Variants in MAF observed in about 807,000 individuals in gnomAD.
MAF encodes MAF bZIP transcription factor, also known as transcription factor Maf.
A neutral mutation model predicts 22.0 loss-of-function variants in MAF; 10 were observed. The ratio of observed to expected loss-of-function variants is 0.45; its 90% confidence interval spans 0.28 to 0.77. The LOEUF (loss-of-function observed/expected upper bound fraction) is 0.77, where lower values mean the gene tolerates loss of function less well. Among genes scored for constraint, MAF ranks in the 30% least tolerant of loss-of-function variants. The probability of loss-of-function intolerance (pLI) is 0.12; values close to 1 mark genes in which losing one functional copy is unlikely to be tolerated. For missense variants in MAF, 544 were observed against 548.4 expected, an observed-to-expected ratio of 0.99 and a Z score of 0.08; for synonymous variants, 337 against 255.8, an observed-to-expected ratio of 1.32 and a Z score of -3.03.
downstream of MAF, among the ~76,000 whole-genome samples, chr16:79,589,267 T>C (rs1020863261): frequency 3.9e-5 from 6 of 152,212 alleles, no homozygotes; most frequent in South Asian, 4.1e-4. Flanking sequence ...TCTAGAACTG[T>C]ATGAAATCCA....
chr16:79,227,608 G>C, the MAF span, among the ~76,000 whole-genome samples: 2 of 151,772 alleles, frequency 1.3e-5, no homozygotes, highest in Non-Finnish European at 2.9e-5. Context: ...CCAGAGTATG[G>C]ATATATGACA....
chr16:79,301,625 TTA>T, the MAF span, among the ~76,000 whole-genome samples: 14 of 22,136 alleles, frequency 6.3e-4, no homozygotes, highest in East Asian at 0.025. Context: ...ATGCATTTTA[TTA>T]TATCTATGTG....
the MAF span, among the ~76,000 whole-genome samples, chr16:79,376,249 A>T: frequency 0.033 from 5,024 of 152,010 alleles, 184 homozygotes; most frequent in African/African-American, 0.085. Context: ...TTTTATTCTA[A>T]GTTTTCTTAA....
chr16:79,420,004 GTT>G, the MAF span, among the ~76,000 whole-genome samples: 1 of 148,736 alleles, frequency 6.7e-6, no homozygotes, highest in East Asian at 2.0e-4. Context: ...GTAACACACG[GTT>G]TTTTTTTTTC....
chr16:79,209,032 C>A, the MAF span, among the ~76,000 whole-genome samples: 3 of 152,222 alleles, frequency 2.0e-5, no homozygotes, highest in African/African-American at 7.2e-5. Flanking sequence ...TTCGGGTGCC[C>A]CTCCTGTGTA....
the MAF span, among the ~76,000 whole-genome samples, chr16:79,499,846 C>G: frequency 1.8e-4 from 28 of 152,322 alleles, no homozygotes; most frequent in East Asian, 5.4e-3. Context: ...GTCCTAATCC[C>G]TACAATCTGT....
At chr16:79,211,898 C>T in the MAF span, 66 of 1,561,616 alleles carry the variant, frequency 4.2e-5, no homozygotes, top group Admixed American at 1.3e-4. Flanking sequence ...AACACAGATC[C>T]GCAAGAGTAA....
At chr16:79,348,706 C>A in the MAF span, among the ~76,000 whole-genome samples, 3 of 152,122 alleles carry the variant, frequency 2.0e-5, no homozygotes, top group Admixed American at 2.0e-4. Flanking sequence ...ATGGTCAGGG[C>A]GGGTTTCAGG....
chr16:79,332,856 T>C, the MAF span, among the ~76,000 whole-genome samples: 1 of 152,224 alleles, frequency 6.6e-6, no homozygotes, highest in South Asian at 2.1e-4. Flanking sequence ...CTTTACTACC[T>C]GGAAGGGAAG....
At chr16:79,392,148 G>C in the MAF span, among the ~76,000 whole-genome samples, 2 of 149,840 alleles carry the variant, frequency 1.3e-5, no homozygotes, top group Admixed American at 6.7e-5. Flanking sequence ...GGGAGGGGGA[G>C]AGAGAGTGAA....
chr16:79,475,063 G>C, the MAF span, among the ~76,000 whole-genome samples: 9 of 152,190 alleles, frequency 5.9e-5, no homozygotes, highest in Non-Finnish European at 1.2e-4. Flanking sequence ...GGCCTCACCA[G>C]GCATCCCGAC....
At chr16:79,287,264 A>T in the MAF span, among the ~76,000 whole-genome samples, 1 of 152,196 alleles carries the variant, frequency 6.6e-6, no homozygotes, top group African/African-American at 2.4e-5. Context: ...GGATTGCGGC[A>T]GGCTGTTAGA....
chr16:79,502,708 A>AATATATATATATATATATATAT, the MAF span, among the ~76,000 whole-genome samples: 2 of 34,000 alleles, frequency 5.9e-5, no homozygotes, highest in Non-Finnish European at 1.1e-4. Context: ...TATAAATATA[A>AATATATATATATATATATATAT]ATATATATAT....
chr16:79,510,627 C>G, the MAF span, among the ~76,000 whole-genome samples: 5 of 152,158 alleles, frequency 3.3e-5, no homozygotes, highest in Non-Finnish European at 5.9e-5. Flanking sequence ...CTGTCATACC[C>G]AGAAGACTTG....
At chr16:79,593,795 A>G (rs30410), downstream of MAF, 163,449 of 176,364 alleles carry the variant, frequency 0.93, 75,820 homozygotes, top group East Asian at 1. Flanking sequence ...TTTTTTGAGT[A>G]GGAGCAAAAA....
chr16:79,531,705 A>T, the MAF span, among the ~76,000 whole-genome samples: 1 of 152,172 alleles, frequency 6.6e-6, no homozygotes, highest in East Asian at 1.9e-4. Context: ...GGCAGCACTC[A>T]GGCAGTCATG....
At chr16:79,552,698 G>C in the MAF span, among the ~76,000 whole-genome samples, 1 of 152,152 alleles carries the variant, frequency 6.6e-6, no homozygotes, top group Non-Finnish European at 1.5e-5. Context: ...ACCATAGCCG[G>C]CCTTGCTGGG....
the MAF span, among the ~76,000 whole-genome samples, chr16:79,305,665 C>T: frequency 6.6e-6 from 1 of 152,158 alleles, no homozygotes; most frequent in African/African-American, 2.4e-5. Flanking sequence ...GTGGATAAGA[C>T]ATCGCTTTGA....
At chr16:79,563,781 C>A in the MAF span, among the ~76,000 whole-genome samples, 2 of 151,406 alleles carry the variant, frequency 1.3e-5, no homozygotes, top group African/African-American at 4.9e-5. Flanking sequence ...ACACGTGTGA[C>A]CACTGAGATG....
Sources: allele counts gnomAD v4.1 joint callset (sites outside exome capture counted in the v4.1 genomes callset), GRCh38; gene constraint gnomAD v4.1.1; transcripts MANE v1.5; gene names NCBI Gene and HGNC (gene_info 2026-07-23, HGNC 2026-07-21).